The following SAMSN1 variants were observed in gnomAD, a reference collection of about 807,000 sequenced individuals.
SAMSN1 encodes SAM domain-containing protein SAMSN-1.
In SAMSN1, 31 loss-of-function variants were observed where a neutral mutation model predicts 42.0. The observed-to-expected ratio is 0.74, with a 90% confidence interval of 0.55 to 1.00. The LOEUF is 1.00. SAMSN1 is among the 50% of genes least tolerant of loss of function. SAMSN1 has a pLI of 0.00. For missense variants in SAMSN1, 464 were observed against 439.4 expected, an observed-to-expected ratio of 1.06 and a Z score of -0.50; for synonymous variants, 178 against 151.9, an observed-to-expected ratio of 1.17 and a Z score of -1.26.
intron 3 of SAMSN1, among the ~76,000 whole-genome samples, chr21:14,512,917 T>C (rs75237614): frequency 0.05 from 7,616 of 152,290 alleles, 564 homozygotes; most frequent in African/African-American, 0.16. Flanking sequence ...TACTTCTTCA[T>C]GTTGTCCTTA....
intron 2 of SAMSN1, among the ~76,000 whole-genome samples, chr21:14,616,795 C>T (rs1441988893): frequency 6.6e-6 from 1 of 152,030 alleles, no homozygotes; most frequent in Non-Finnish European, 1.5e-5. Flanking sequence ...AACGAATATT[C>T]CACTTTTGAG....
At chr21:14,527,085 A>G (rs887555430) in intron 1 of SAMSN1, among the ~76,000 whole-genome samples, 1 of 152,190 alleles carries the variant, frequency 6.6e-6, no homozygotes, top group Non-Finnish European at 1.5e-5. Flanking sequence ...ATACTGGCAA[A>G]TTAAAAATTA....
intron 2 of SAMSN1, among the ~76,000 whole-genome samples, chr21:14,622,887 A>G (rs1485183437): frequency 6.6e-6 from 1 of 152,236 alleles, no homozygotes; most frequent in Non-Finnish European, 1.5e-5. Context: ...CAGGTTACCC[A>G]CAAAGGGAAG....
At chr21:14,502,675 TG>T (rs921809434) in intron 5 of SAMSN1, among the ~76,000 whole-genome samples, 23 of 152,194 alleles carry the variant, frequency 1.5e-4, no homozygotes, top group Admixed American at 1.4e-3. Flanking sequence ...TTCCTTCTAC[TG>T]CTCTCTCCCA....
At chr21:14,657,302 A>T (rs1360287695) in intron 1 of SAMSN1, among the ~76,000 whole-genome samples, 1 of 151,894 alleles carries the variant, frequency 6.6e-6, no homozygotes, top group South Asian at 2.1e-4. Context: ...CTAATGAAAT[A>T]TGTTTCTGAA....
At chr21:14,564,243 A>G (rs1981038659) in intron 2 of SAMSN1, among the ~76,000 whole-genome samples, 2 of 152,106 alleles carry the variant, frequency 1.3e-5, no homozygotes, top group South Asian at 2.1e-4. Context: ...GAGAATATGG[A>G]TTATATGTTT....
chr21:14,486,174 C>T, intron 7 of SAMSN1, 60 bp from the exon 8 acceptor site: 2 of 1,130,822 alleles, frequency 1.8e-6, no homozygotes, highest in South Asian at 1.3e-5. Context: ...TATTCATGTA[C>T]TCATTCACTT....
At chr21:14,631,463 G>A (rs1473077660) in intron 2 of SAMSN1, among the ~76,000 whole-genome samples, 1 of 152,148 alleles carries the variant, frequency 6.6e-6, no homozygotes. Context: ...GGCTTTCTGG[G>A]TTCAAGCGAT....
At chr21:14,643,810 C>T (rs1272214264) in intron 1 of SAMSN1, among the ~76,000 whole-genome samples, 1 of 152,208 alleles carries the variant, frequency 6.6e-6, no homozygotes, top group Non-Finnish European at 1.5e-5. Flanking sequence ...GACGCCACTC[C>T]TCCCCTACCG....
intron 6 of SAMSN1, among the ~76,000 whole-genome samples, chr21:14,594,942 T>G (rs946829605): frequency 3.3e-5 from 5 of 152,262 alleles, no homozygotes; most frequent in Non-Finnish European, 7.4e-5. Flanking sequence ...GCTTCTGCTG[T>G]AGGGGAGGCC....
intron 2 of SAMSN1, among the ~76,000 whole-genome samples, chr21:14,579,747 G>T (rs866091660): frequency 6.7e-6 from 1 of 149,646 alleles, no homozygotes; most frequent in African/African-American, 2.5e-5. Context: ...CTCCCAAAGT[G>T]CTGGGATTAA....
chr21:14,571,153 G>A (rs1023038034), intron 2 of SAMSN1, among the ~76,000 whole-genome samples: 1 of 152,120 alleles, frequency 6.6e-6, no homozygotes, highest in South Asian at 2.1e-4. Flanking sequence ...GGCATTTCAT[G>A]TTTATTTATG....
At chr21:14,584,370 A>G (rs1395030030), upstream of SAMSN1, among the ~76,000 whole-genome samples, 1 of 152,212 alleles carries the variant, frequency 6.6e-6, no homozygotes, top group South Asian at 2.1e-4. Flanking sequence ...ATACCACATC[A>G]TGTTTTAGAA....
intron 1 of SAMSN1, among the ~76,000 whole-genome samples, chr21:14,532,637 T>G (rs774345175): frequency 4.6e-5 from 7 of 152,200 alleles, no homozygotes; most frequent in Non-Finnish European, 8.8e-5. Context: ...TAATGTAATG[T>G]TCAATAATTG....
intron 5 of SAMSN1, among the ~76,000 whole-genome samples, chr21:14,505,100 C>G (rs1430009782): frequency 6.6e-6 from 1 of 152,110 alleles, no homozygotes; most frequent in African/African-American, 2.4e-5. Context: ...AATCTTCAAA[C>G]AAATCCTGGA....
intron 1 of SAMSN1, among the ~76,000 whole-genome samples, chr21:14,543,179 G>T (rs947276068): frequency 5.3e-5 from 8 of 152,104 alleles, no homozygotes; most frequent in African/African-American, 1.9e-4. Context: ...TAATAATTCT[G>T]CAAGAATTTA....
At chr21:14,501,352 T>C (rs989910126) in intron 5 of SAMSN1, among the ~76,000 whole-genome samples, 4 of 152,132 alleles carry the variant, frequency 2.6e-5, no homozygotes, top group Admixed American at 1.3e-4. Flanking sequence ...CTTAGATACA[T>C]AAAGGAGGTA....
upstream of SAMSN1, chr21:14,583,737 TC>T (rs1981833144): frequency 1.4e-6 from 1 of 717,834 alleles, no homozygotes; most frequent in African/African-American, 1.7e-5. Flanking sequence ...CGCTTTAATG[TC>T]CCCATTGATT....
intron 2 of SAMSN1, among the ~76,000 whole-genome samples, chr21:14,637,813 T>A (rs1983503006): frequency 6.6e-6 from 1 of 152,210 alleles, no homozygotes. Flanking sequence ...CATAAAGCTG[T>A]GCCTGGGGCC....
Sources: gnomAD v4.1 joint callset for allele counts (sites outside exome capture counted in the v4.1 genomes callset) on GRCh38, gnomAD v4.1.1 for gene constraint, MANE v1.5 for transcripts, NCBI Gene and HGNC (gene_info 2026-07-23, HGNC 2026-07-21) for gene names.